The following FOLH1 variants were observed in gnomAD, a reference collection of about 807,000 sequenced individuals.
The protein encoded by FOLH1 is folate hydrolase 1.
A neutral mutation model predicts 93.9 loss-of-function variants in FOLH1; 54 were observed. The ratio of observed to expected loss-of-function variants is 0.57; its 90% confidence interval spans 0.46 to 0.72. The LOEUF (loss-of-function observed/expected upper bound fraction) is 0.72, where lower values mean the gene tolerates loss of function less well. FOLH1 is among the 30% of genes least tolerant of loss of function. The pLI, the probability that FOLH1 is intolerant of heterozygous loss-of-function variation, is 0.00. For synonymous variants in FOLH1, 249 were observed against 303.6 expected (o/e 0.82, Z 1.87); for missense variants, 571 against 892.5 (o/e 0.64, Z 4.59).
chr11:49,146,445 A>C lies in FOLH1; in HGVS notation c.*311T>G, dbSNP rs904867278. ...GTTTTCTTCTGTGTGAAGTGACATG[A>C]ATAGATTAGACTTGATTCCCTGATA... On this transcript the variant is annotated 3_prime_UTR_variant, in exon 19 of 19. Coordinates refer to ENST00000256999, the MANE Select transcript of FOLH1 (RefSeq NM_004476.3). Among the ~76,000 whole-genome samples the C allele has an allele frequency of 6.6e-6, 1 of 152,140 alleles. No homozygotes were observed. Among genetic ancestry groups the C allele is most frequent in the African/African-American group, 2.4e-5 (1 of 41,440 alleles).
intron 3 of FOLH1, among the ~76,000 whole-genome samples, chr11:49,199,542 A>G (rs1321919019): frequency 6.6e-6 from 1 of 152,150 alleles, no homozygotes; most frequent in Non-Finnish European, 1.5e-5. Flanking sequence ...TGCTGGGTCA[A>G]ACTGCATACT....
chr11:49,159,394 G>T (rs1016828310), intron 13 of FOLH1, among the ~76,000 whole-genome samples: 2 of 152,098 alleles, frequency 1.3e-5, no homozygotes, highest in African/African-American at 4.8e-5. Flanking sequence ...ATAATCATGT[G>T]GTTTTTGTTT....
At position 49,146,101 on chromosome 11, in the gene FOLH1, C is replaced by G. The variant is rs1855763094; in HGVS notation, c.*655G>C. Among the ~76,000 whole-genome samples the G allele has an allele frequency of 6.6e-6, 1 of 152,000 alleles. No homozygotes were observed. The highest frequency in any genetic ancestry group is 1.5e-5 in the Non-Finnish European group (1 of 68,004). ...AATAAACATAAAATTCAAGAAAATG[C>G]AAAAGCATAACTGTCATTAGTACAT... is the stretch of plus-strand genomic sequence containing the variant. On this transcript the variant is annotated 3_prime_UTR_variant, in exon 19 of 19. Coordinates refer to ENST00000256999, the MANE Select transcript of FOLH1 (RefSeq NM_004476.3).
rs1372544376 is a variant in FOLH1 at position 49,208,386 on chromosome 11, G to C, written c.24C>G (p.Thr8=). MWNLLHE[T]DSAVATARRP... ...GGCGCGCGGTGGCCACAGCCGAGTC[G>C]GTTTCGTGAAGGAGATTCCACATCT... Residue 8 remains threonine (T), a synonymous_variant, in exon 1 of 19, where the codon ACC becomes ACG. Coordinates refer to ENST00000256999, the MANE Select transcript of FOLH1 (RefSeq NM_004476.3). 1.2e-6 allele frequency: 2 copies of C among 1,603,184 alleles called. No homozygotes were observed. The highest frequency in any genetic ancestry group is 3.4e-5 in the Admixed American group (2 of 59,152).
chr11:49,161,919 A>C (rs1020697253), intron 13 of FOLH1, among the ~76,000 whole-genome samples: 2 of 152,166 alleles, frequency 1.3e-5, no homozygotes, highest in African/African-American at 4.8e-5. Flanking sequence ...CTGGATTGGA[A>C]TTTCTTTTTT....
intron 6 of FOLH1, among the ~76,000 whole-genome samples, chr11:49,184,708 A>T (rs538516997): frequency 7.5e-4 from 114 of 152,376 alleles, no homozygotes; most frequent in Non-Finnish European, 1.0e-3. Context: ...ATGAAGACAT[A>T]AATGTCATAG....
intron 17 of FOLH1, among the ~76,000 whole-genome samples, chr11:49,151,060 T>A (rs1184671110): frequency 6.6e-6 from 1 of 152,198 alleles, no homozygotes; most frequent in Non-Finnish European, 1.5e-5. Flanking sequence ...ATGAGTTAAA[T>A]AACTTGCCTA....
At chr11:49,192,714 C>A (rs1227497038) in intron 4 of FOLH1, 79 bp downstream of exon 4, 13 of 1,238,816 alleles carry the variant, frequency 1.0e-5, no homozygotes, top group Non-Finnish European at 1.3e-5. Context: ...CCCTTTATGA[C>A]CCTTTAATTA....
At chr11:49,182,512 C>T (rs1181463245) in intron 7 of FOLH1, among the ~76,000 whole-genome samples, 1 of 151,976 alleles carries the variant, frequency 6.6e-6, no homozygotes, top group Admixed American at 6.6e-5. Flanking sequence ...ATGGAAGTTG[C>T]TCTCATAGTG....
At chr11:49,197,674 T>C (rs1053620009) in intron 3 of FOLH1, among the ~76,000 whole-genome samples, 3 of 152,192 alleles carry the variant, frequency 2.0e-5, no homozygotes, top group Non-Finnish European at 2.9e-5. Flanking sequence ...ATAGCTCAGC[T>C]GTGAACTGTT....
At chr11:49,199,343 A>G (rs1010480656) in intron 3 of FOLH1, among the ~76,000 whole-genome samples, 5 of 152,192 alleles carry the variant, frequency 3.3e-5, no homozygotes, top group Non-Finnish European at 7.3e-5. Context: ...AAATATATCA[A>G]TTTATCTGCA....
chr11:49,197,633 C>T (rs1362903209), intron 3 of FOLH1, among the ~76,000 whole-genome samples: 1 of 151,966 alleles, frequency 6.6e-6, no homozygotes, highest in Non-Finnish European at 1.5e-5. Flanking sequence ...CTGTTTTGTG[C>T]AGGGGTATAA....
chr11:49,172,217 A>G (rs1176678648), intron 10 of FOLH1, among the ~76,000 whole-genome samples: 1 of 152,198 alleles, frequency 6.6e-6, no homozygotes, highest in East Asian at 1.9e-4. Context: ...GATGTTTTGT[A>G]TAGTTACCAC....
At chr11:49,200,633 A>C (rs977887921) in intron 2 of FOLH1, among the ~76,000 whole-genome samples, 192 bp from the exon 3 acceptor site, 3 of 152,176 alleles carry the variant, frequency 2.0e-5, no homozygotes, top group Non-Finnish European at 2.9e-5. Flanking sequence ...ATTTGTACTA[A>C]ATCAAGAGAA....
intron 4 of FOLH1, among the ~76,000 whole-genome samples, chr11:49,187,407 T>G (rs965251754): frequency 1.3e-5 from 2 of 152,138 alleles, no homozygotes; most frequent in Non-Finnish European, 2.9e-5. Flanking sequence ...AATTTAAAAT[T>G]TTTTATCATA....
chr11:49,158,177 C>T lies in FOLH1; in HGVS notation c.1441-134G>A, dbSNP rs180918586. On this transcript the variant is annotated intron_variant, in intron 13 of 18. Coordinates refer to ENST00000256999, the MANE Select transcript of FOLH1 (RefSeq NM_004476.3). ...GGGATGCTATCCATACATTAGCAGT[C>T]ATCAAGAATTATAAGTTTCTGACAA... 1,516 of 565,248 alleles carry T rather than the reference C, an allele frequency of 2.7e-3. 24 individuals carry two copies. The Admixed American group carries it at 0.03, about 11-fold the overall frequency. The allele number at this position is 565,248 out of a possible 1,614,324, so 35.0% of individuals were successfully genotyped here.
At chr11:49,188,599 TA>T (rs1181808888) in intron 4 of FOLH1, among the ~76,000 whole-genome samples, 1 of 152,114 alleles carries the variant, frequency 6.6e-6, no homozygotes, top group Non-Finnish European at 1.5e-5. Context: ...GCAATTCTTA[TA>T]TATAATGCAT....
At chr11:49,203,514 T>G (rs1863504400) in intron 2 of FOLH1, among the ~76,000 whole-genome samples, 2 of 152,192 alleles carry the variant, frequency 1.3e-5, no homozygotes, top group Admixed American at 1.3e-4. Flanking sequence ...AATTGAAAGC[T>G]CTCTGATGGA....
intron 7 of FOLH1, among the ~76,000 whole-genome samples, chr11:49,181,514 T>A (rs1326642498): frequency 2.0e-5 from 3 of 152,264 alleles, no homozygotes; most frequent in Non-Finnish European, 4.4e-5. Context: ...TATTATTAAT[T>A]ATTCTGGTAC....
Sources: gnomAD v4.1 joint callset for allele counts (sites outside exome capture counted in the v4.1 genomes callset) on GRCh38, gnomAD v4.1.1 for gene constraint, MANE v1.5 for transcripts, NCBI Gene and HGNC (gene_info 2026-07-23, HGNC 2026-07-21) for gene names.